Variants in EBF1 observed in about 807,000 individuals in gnomAD.
The protein encoded by EBF1 is transcription factor COE1.
A neutral mutation model predicts 68.4 loss-of-function variants in EBF1; 10 were observed. That is an observed-to-expected ratio of 0.15 (90% confidence interval 0.09 to 0.25). EBF1 has a LOEUF of 0.25. Ranked by LOEUF, EBF1 falls within the 10% of genes least tolerant of loss-of-function variation. The pLI, the probability that EBF1 is intolerant of heterozygous loss-of-function variation, is 1.00. For missense variants in EBF1, 509 were observed against 794.4 expected, an observed-to-expected ratio of 0.64 and a Z score of 4.32; for synonymous variants, 298 against 299.8, an observed-to-expected ratio of 0.99 and a Z score of 0.06.
chr5:158,941,078 T>A, intron 6 of EBF1: 1 of 381,782 alleles, frequency 2.6e-6, no homozygotes, highest in Non-Finnish European at 5.2e-6. Flanking sequence ...CTGAAAACAA[T>A]CATCTGTTGC....
rs535174096 is a variant in EBF1, at chr5:158,698,409, G to T, written c.*702C>A. 7 of 224,356 alleles carry T rather than the reference G, an allele frequency of 3.1e-5. No individual in the cohort carries two copies. The East Asian group carries it at 4.5e-4, about 14-fold the overall frequency. 13.9% of individuals were successfully genotyped at this position (224,356 alleles called of 1,614,324 possible). On this transcript the variant is annotated 3_prime_UTR_variant, in exon 16 of 16. Transcript: ENST00000313708. Reference sequence around the variant, plus strand: ...GATTTTCGAGTAGAGGGAAAAATGTGATCACTTACATCGCGTTTTAACTTT... The same window carrying T: ...GATTTTCGAGTAGAGGGAAAAATGTTATCACTTACATCGCGTTTTAACTTT...
chr5:159,023,054 C>T (rs1013060902), intron 6 of EBF1, among the ~76,000 whole-genome samples: 3 of 152,082 alleles, frequency 2.0e-5, no homozygotes, highest in Non-Finnish European at 2.9e-5. Flanking sequence ...AAAGATCTTG[C>T]GCTTGTTTTT....
chr5:158,969,899 AG>A (rs1561663152), intron 6 of EBF1, among the ~76,000 whole-genome samples: 16 of 119,698 alleles, frequency 1.3e-4, no homozygotes, highest in African/African-American at 4.3e-4. Context: ...AAAGAAAGAA[AG>A]AAAGAAAGAA....
intron 6 of EBF1, among the ~76,000 whole-genome samples, chr5:159,012,326 G>C (rs1392162142): frequency 6.6e-6 from 1 of 151,796 alleles, no homozygotes; most frequent in Non-Finnish European, 1.5e-5. Flanking sequence ...AAAAGAAAAT[G>C]CTGACATGTG....
At chr5:158,883,860 G>A (rs1799454736) in intron 6 of EBF1, among the ~76,000 whole-genome samples, 1 of 152,072 alleles carries the variant, frequency 6.6e-6, no homozygotes, top group Non-Finnish European at 1.5e-5. Context: ...TGCCCTGGAG[G>A]AGCTCACAGT....
At chr5:158,810,967 C>T (rs1437226595) in intron 8 of EBF1, among the ~76,000 whole-genome samples, 1 of 152,212 alleles carries the variant, frequency 6.6e-6, no homozygotes, top group Admixed American at 6.5e-5. Flanking sequence ...AAGCCACAAT[C>T]CTGCAATCCA....
chr5:159,068,495 T>C (rs758046707), intron 6 of EBF1, among the ~76,000 whole-genome samples: 1 of 152,126 alleles, frequency 6.6e-6, no homozygotes, highest in Non-Finnish European at 1.5e-5. Flanking sequence ...TATAAATACA[T>C]TGGTGTCAAT....
intron 6 of EBF1, among the ~76,000 whole-genome samples, chr5:158,843,580 C>T (rs752805310): frequency 1.6e-4 from 24 of 152,340 alleles, no homozygotes; most frequent in South Asian, 4.1e-4. Flanking sequence ...GCTTGACCAT[C>T]TGTCGTGGGG....
chr5:158,898,789 A>G (rs572520780), intron 6 of EBF1, among the ~76,000 whole-genome samples: 66 of 152,344 alleles, frequency 4.3e-4, no homozygotes, highest in African/African-American at 1.6e-3. Context: ...TTGCCACACA[A>G]TCCAACAGTG....
At chr5:158,792,626 TA>T (rs1450276029) in intron 9 of EBF1, among the ~76,000 whole-genome samples, 1 of 152,184 alleles carries the variant, frequency 6.6e-6, no homozygotes, top group Non-Finnish European at 1.5e-5. Context: ...GCAGAAGTGA[TA>T]AAAGTCTACT....
rs572703708 is a variant in EBF1, at chr5:158,702,600, AACC to A, written c.1745-3461_1745-3459del. Among the ~76,000 whole-genome samples, 12 of 152,184 alleles carry A rather than the reference AACC, an allele frequency of 7.9e-5. No homozygotes were observed. In the East Asian group the frequency reaches 2.1e-3, roughly 27 times the overall value. On this transcript the variant is annotated intron_variant, in intron 15 of 15. Coordinates refer to ENST00000313708, the MANE Select transcript of EBF1 (RefSeq NM_024007.5). Reference sequence around the variant, plus strand: ...AGAGGGTGGAATGTGGTCGTACCCAAACCACCACATGTGTAAGAATTATGAGCT... The same window carrying A: ...AGAGGGTGGAATGTGGTCGTACCCAAACCACATGTGTAAGAATTATGAGCT...
intron 6 of EBF1, among the ~76,000 whole-genome samples, chr5:159,026,774 A>G (rs2127730180): frequency 6.6e-6 from 1 of 152,312 alleles, no homozygotes. Flanking sequence ...GACATGGCCC[A>G]GTACACAAGC....
At chr5:158,891,453 A>T (rs1444554811) in intron 6 of EBF1, among the ~76,000 whole-genome samples, 1 of 152,106 alleles carries the variant, frequency 6.6e-6, no homozygotes, top group Non-Finnish European at 1.5e-5. Flanking sequence ...CAAAAAATAA[A>T]TCTCTCCAGC....
intron 6 of EBF1, among the ~76,000 whole-genome samples, chr5:158,991,727 A>C (rs10447201): frequency 0.26 from 39,376 of 152,184 alleles, 5,719 homozygotes; most frequent in South Asian, 0.52. Flanking sequence ...TTTTTGTTTA[A>C]AATGTTCTTG....
intron 10 of EBF1, among the ~76,000 whole-genome samples, chr5:158,742,910 A>G (rs543488190): frequency 5.9e-5 from 9 of 152,326 alleles, no homozygotes; most frequent in African/African-American, 2.2e-4. Context: ...GGTGTTTTAT[A>G]CTGTTTAATT....
chr5:158,852,323 T>C (rs921860354), intron 6 of EBF1, among the ~76,000 whole-genome samples: 22 of 152,146 alleles, frequency 1.4e-4, no homozygotes, highest in African/African-American at 5.3e-4. Context: ...CGCATCTGTC[T>C]GTTCACTTTT....
chr5:158,875,090 AG>A, intron 6 of EBF1, among the ~76,000 whole-genome samples: 1 of 114,748 alleles, frequency 8.7e-6, no homozygotes, highest in Non-Finnish European at 1.9e-5. Context: ...CACACACACC[AG>A]GCAGTTTTGG....
chr5:158,777,915 G>A (rs1415721401), intron 9 of EBF1, among the ~76,000 whole-genome samples: 2 of 152,160 alleles, frequency 1.3e-5, no homozygotes, highest in Admixed American at 1.3e-4. Flanking sequence ...TTTGAACTGA[G>A]CCTGTCAACA....
At chr5:158,808,941 T>C (rs1335234031) in intron 8 of EBF1, among the ~76,000 whole-genome samples, 2 of 152,182 alleles carry the variant, frequency 1.3e-5, no homozygotes, top group Non-Finnish European at 2.9e-5. Context: ...TCTCTTTCTA[T>C]CCCAGTCTAC....
Sources: gnomAD v4.1 joint callset for allele counts (sites outside exome capture counted in the v4.1 genomes callset) on GRCh38, gnomAD v4.1.1 for gene constraint, MANE v1.5 for transcripts, NCBI Gene and HGNC (gene_info 2026-07-23, HGNC 2026-07-21) for gene names.